FAM133B: variants seen among roughly 807,000 people sequenced by gnomAD.
The protein encoded by FAM133B is protein FAM133B.
In FAM133B, 25 loss-of-function variants were observed where a neutral mutation model predicts 46.4. The ratio of observed to expected loss-of-function variants is 0.54; its 90% CI spans 0.39 to 0.75. The LOEUF (loss-of-function observed/expected upper bound fraction) is 0.75. Ranked by LOEUF, FAM133B falls within the 30% of genes least tolerant of loss-of-function variation. The pLI is 0.00. For missense variants in FAM133B, 205 were observed against 277.6 expected, an observed-to-expected ratio of 0.74 and a Z score of 1.86; for synonymous variants, 75 against 86.0, an observed-to-expected ratio of 0.87 and a Z score of 0.71.
intron 8 of FAM133B, among the ~76,000 whole-genome samples, chr7:92,574,326 G>A (rs929545991): frequency 2.6e-5 from 4 of 152,196 alleles, no homozygotes; most frequent in African/African-American, 7.2e-5. Flanking sequence ...ACAAAAGGTC[G>A]CATATTGTAT....
At chr7:92,579,458 TA>T in intron 2 of FAM133B, 63 bp from the exon 3 acceptor site, 6 of 1,167,650 alleles carry the variant, frequency 5.1e-6, no homozygotes, top group Non-Finnish European at 2.4e-6. Context: ...TGCTTACAAA[TA>T]AGACAACAAA....
chr7:92,590,329 A>T lies in FAM133B; in HGVS notation c.-38T>A. The T allele has an allele frequency of 6.2e-7, 1 of 1,612,606 alleles. No individual in the cohort carries two copies. The highest frequency in any genetic ancestry group is 8.5e-7 in the Non-Finnish European group (1 of 1,179,390). ...AGCGCACAGTAGCACGCCGAGGGAA[A>T]CCGGGCCGGAGAGACTGCCGAAGAG... On this transcript the variant is annotated 5_prime_UTR_variant, in exon 1 of 11. Transcript: ENST00000445716.
chr7:92,586,046 TCTTA>T (rs1331495593), intron 1 of FAM133B, among the ~76,000 whole-genome samples: 1 of 152,214 alleles, frequency 6.6e-6, no homozygotes, highest in African/African-American at 2.4e-5. Flanking sequence ...TATTTTTACA[TCTTA>T]CTGTGTACTA....
At chr7:92,579,051 C>T (rs17760479) in intron 3 of FAM133B, 21,158 of 324,550 alleles carry the variant, frequency 0.065, 983 homozygotes, top group Non-Finnish European at 0.094. Context: ...AAAGCATGCA[C>T]GTAAATACAA....
At position 92,573,398 on chromosome 7, in the gene FAM133B, T is replaced by G. The variant is rs188122268; in HGVS notation, c.516+2373A>C. ...TCGAACTCCTGGCCTTAAGTGATCCTCCTGCCTCAGCCTCCCAAAGTGTTC... is the reference window on the plus strand; with the variant it reads ...TCGAACTCCTGGCCTTAAGTGATCCGCCTGCCTCAGCCTCCCAAAGTGTTC... On this transcript the variant is annotated intron_variant, in intron 8 of 10. Coordinates refer to ENST00000445716, the MANE Select transcript of FAM133B (RefSeq NM_152789.4). Among the ~76,000 whole-genome samples, 738 of 151,940 alleles carry G rather than the reference T, an allele frequency of 4.9e-3. 8 individuals are homozygous for G. Among genetic ancestry groups the G allele is most frequent in the African/African-American group, 0.017 (708 of 41,486 alleles).
At chr7:92,584,145 T>A (rs1356021284) in intron 1 of FAM133B, among the ~76,000 whole-genome samples, 1 of 151,718 alleles carries the variant, frequency 6.6e-6, no homozygotes, top group Non-Finnish European at 1.5e-5. Flanking sequence ...ACTGCAACTT[T>A]GAAAAATCCC....
intron 1 of FAM133B, among the ~76,000 whole-genome samples, chr7:92,582,307 CATAAA>C (rs1270755963): frequency 1.4e-5 from 2 of 143,762 alleles, no homozygotes; most frequent in East Asian, 2.1e-4. Context: ...ACATAAATAA[CATAAA>C]ATAACATAAC....
chr7:92,583,123 T>C (rs567996436), intron 1 of FAM133B, among the ~76,000 whole-genome samples: 1 of 152,292 alleles, frequency 6.6e-6, no homozygotes, highest in Non-Finnish European at 1.5e-5. Flanking sequence ...GGTATATACA[T>C]ACAATGGAAT....
At chr7:92,571,942 GATT>G (rs1794544119) in intron 8 of FAM133B, among the ~76,000 whole-genome samples, 1 of 152,046 alleles carries the variant, frequency 6.6e-6, no homozygotes, top group Non-Finnish European at 1.5e-5. Flanking sequence ...TTTTCTTGCA[GATT>G]TTTTGGTTAC....
chr7:92,566,492 A>G (rs1409137499), intron 9 of FAM133B, among the ~76,000 whole-genome samples: 3 of 152,048 alleles, frequency 2.0e-5, no homozygotes, highest in East Asian at 1.9e-4. Context: ...AAAAAGAAAA[A>G]ATAGCTGGGC....
chr7:92,577,379 TGCCTAGCATCTA>T (rs1562894382), intron 6 of FAM133B, 184 bp from the exon 7 acceptor site: 1 of 455,332 alleles, frequency 2.2e-6, no homozygotes, highest in Non-Finnish European at 3.8e-6. Flanking sequence ...TCACATGTAA[TGCCTAGCATCTA>T]GTCAAATAGC....
At chr7:92,572,777 C>A (rs1794570785) in intron 8 of FAM133B, among the ~76,000 whole-genome samples, 3 of 152,042 alleles carry the variant, frequency 2.0e-5, no homozygotes, top group African/African-American at 7.2e-5. Flanking sequence ...TAAGAAATAT[C>A]CACAGCAGCA....
intron 8 of FAM133B, among the ~76,000 whole-genome samples, chr7:92,570,343 G>A (rs892539704): frequency 4.6e-5 from 7 of 151,984 alleles, no homozygotes; most frequent in East Asian, 3.8e-4. Context: ...TTCCTTTAGC[G>A]CAAAGTGTTA....
At chr7:92,565,770 T>C in intron 10 of FAM133B, 1 of 513,898 alleles carries the variant, frequency 1.9e-6, no homozygotes, top group Non-Finnish European at 3.5e-6. Context: ...GCCCTGAGCT[T>C]ATATTTCTAA....
chr7:92,586,915 G>A (rs1562899443), intron 1 of FAM133B, among the ~76,000 whole-genome samples: 4 of 152,140 alleles, frequency 2.6e-5, no homozygotes, highest in South Asian at 4.1e-4. Flanking sequence ...GAATTAAAAC[G>A]TTCAGTTATA....
chr7:92,571,235 A>T (rs548591960), intron 8 of FAM133B, among the ~76,000 whole-genome samples: 2 of 152,334 alleles, frequency 1.3e-5, no homozygotes, highest in South Asian at 4.1e-4. Flanking sequence ...CCATTTATGA[A>T]TCACACTTTA....
rs77366851 is a variant in FAM133B, at chr7:92,586,269, T to C, written c.24+3999A>G. Among the ~76,000 whole-genome samples, 1,409 of 151,692 alleles carry C rather than the reference T, an allele frequency of 9.3e-3. 18 individuals are homozygous for C. Among genetic ancestry groups the C allele is most frequent in the African/African-American group, 0.032 (1,326 of 40,942 alleles). On this transcript the variant is annotated intron_variant, in intron 1 of 10. Transcript: ENST00000445716. The stretch of plus-strand genomic sequence containing the variant: ...TCTCCATTGTTTATTTCAATTATAA[T>C]AGCAATATTTTTTAAAGTGCATCTT...
intron 9 of FAM133B, among the ~76,000 whole-genome samples, chr7:92,566,561 G>A (rs538416864): frequency 1.3e-5 from 2 of 152,296 alleles, no homozygotes; most frequent in East Asian, 3.9e-4. Context: ...AGGATCACTT[G>A]AGCCCAGGAG....
intron 7 of FAM133B, 106 bp from the exon 8 acceptor site, chr7:92,575,927 C>T (rs1794681524): frequency 4.3e-6 from 2 of 469,992 alleles, no homozygotes; most frequent in Non-Finnish European, 7.9e-6. Context: ...TGAAAAAAGG[C>T]TACTCCAATC....
Sources: allele counts gnomAD v4.1 joint callset (sites outside exome capture counted in the v4.1 genomes callset), GRCh38; gene constraint gnomAD v4.1.1; transcripts MANE v1.5; gene names NCBI Gene and HGNC (gene_info 2026-07-23, HGNC 2026-07-21).